The following TMPRSS15 variants were observed in gnomAD, a reference collection of about 807,000 sequenced individuals.
The protein encoded by TMPRSS15 is transmembrane serine protease 15.
Under a neutral mutation model 125.3 loss-of-function variants are expected in TMPRSS15, and 128 were observed. That is an observed-to-expected ratio of 1.02 (90% confidence interval 0.89 to 1.18). The LOEUF is 1.18. Among genes scored for constraint, TMPRSS15 ranks in the 50% most tolerant of loss-of-function variants. The probability of loss-of-function intolerance (pLI) is 0.00; values close to 1 mark genes in which losing one functional copy is unlikely to be tolerated. For synonymous variants in TMPRSS15, 446 were observed against 423.2 expected (o/e 1.05, Z -0.66); for missense variants, 1,283 against 1,212.7 (o/e 1.06, Z -0.86).
rs545845312 is a variant in TMPRSS15 at position 18,319,591 on chromosome 21, G to A, written c.1922-4335C>T. ...TTGCAGGCATGTGCCACCACGCTGG[G>A]CTAATTTTGTATTTTTAGGTGAGAC... On this transcript the variant is annotated intron_variant, in intron 16 of 24. Transcript: ENST00000284885. Among the ~76,000 whole-genome samples, 7 of 152,194 alleles carry A rather than the reference G, an allele frequency of 4.6e-5. No individual in the cohort carries two copies. The South Asian group carries it at 1.5e-3, about 32-fold the overall frequency.
At chr21:18,287,157 G>T (rs1464087895) in intron 21 of TMPRSS15, among the ~76,000 whole-genome samples, 1 of 152,168 alleles carries the variant, frequency 6.6e-6, no homozygotes, top group South Asian at 2.1e-4. Flanking sequence ...TCAGAGGAAA[G>T]ATTTTGTTGG....
intron 21 of TMPRSS15, among the ~76,000 whole-genome samples, chr21:18,286,136 C>T (rs1465455963): frequency 2.6e-5 from 4 of 152,146 alleles, no homozygotes; most frequent in African/African-American, 4.8e-5. Context: ...TTCCAGGATT[C>T]ACCATGCACT....
chr21:18,421,890 TC>T (rs2076192725), intron 1 of TMPRSS15, among the ~76,000 whole-genome samples: 1 of 152,136 alleles, frequency 6.6e-6, no homozygotes, highest in African/African-American at 2.4e-5. Context: ...TTCGGTTATG[TC>T]CACTGAAAAT....
At chr21:18,301,499 G>A (rs930381793) in intron 18 of TMPRSS15, among the ~76,000 whole-genome samples, 1 of 152,136 alleles carries the variant, frequency 6.6e-6, no homozygotes, top group Non-Finnish European at 1.5e-5. Context: ...GAATTCAGAG[G>A]AAATGTATTA....
intron 1 of TMPRSS15, among the ~76,000 whole-genome samples, chr21:18,442,480 T>A (rs913239225): frequency 3.9e-5 from 6 of 152,246 alleles, no homozygotes; most frequent in African/African-American, 1.4e-4. Flanking sequence ...TATAAAGTAG[T>A]TATTTATATT....
At chr21:18,448,483 T>C (rs2076260167) in intron 1 of TMPRSS15, among the ~76,000 whole-genome samples, 1 of 152,144 alleles carries the variant, frequency 6.6e-6, no homozygotes, top group African/African-American at 2.4e-5. Context: ...CATGGGGCTG[T>C]TATAATGACC....
chr21:18,321,395 C>T lies in TMPRSS15; in HGVS notation c.1921+5037G>A, dbSNP rs2075233874. On this transcript the variant is annotated intron_variant, in intron 16 of 24. Transcript: ENST00000284885. ...TGAGACGGAGTCTCACTCTGTCGCC[C>T]AGGCTGGAGTGCTGTGGCGCGATCT... is the stretch of plus-strand genomic sequence containing the variant. 2.8e-5 allele frequency among the ~76,000 whole-genome samples: 4 copies of T among 142,528 alleles called. No individual in the cohort carries two copies. In the South Asian group the frequency reaches 9.0e-4, roughly 32 times the overall value. The allele number at this position is 142,528 out of a possible 152,430, so 93.5% of individuals were successfully genotyped here.
chr21:18,287,336 T>C (rs988561542), intron 21 of TMPRSS15, among the ~76,000 whole-genome samples: 11 of 152,048 alleles, frequency 7.2e-5, no homozygotes, highest in Admixed American at 6.6e-4. Flanking sequence ...ACGGGCAGAG[T>C]TGCGTATCAA....
intron 16 of TMPRSS15, among the ~76,000 whole-genome samples, chr21:18,318,874 C>CT (rs2075203535): frequency 6.6e-6 from 1 of 152,078 alleles, no homozygotes; most frequent in African/African-American, 2.4e-5. Context: ...ATGTCCAGGT[C>CT]TTGGTGAAAT....
chr21:18,337,229 A>C (rs1326518481), intron 13 of TMPRSS15, among the ~76,000 whole-genome samples: 1 of 152,202 alleles, frequency 6.6e-6, no homozygotes, highest in African/African-American at 2.4e-5. Context: ...TTGGAAGTAG[A>C]AAATGGCTTT....
In TMPRSS15 at chr21:18,403,564, A is replaced by T. The variant is rs757204851; in HGVS notation, c.59T>A (p.Met20Lys). The T allele has an allele frequency of 7.4e-6, 12 of 1,614,044 alleles. No individual in the cohort carries two copies. The highest frequency in any genetic ancestry group is 1.6e-4 in the Middle Eastern group (1 of 6,084). The change falls in exon 1 of 25, where the codon ATG becomes AAG. Residue 20 changes from methionine to lysine, a missense_variant. Transcript: ENST00000284885. Reference protein sequence around the residue: ...RHHSLSSYEIMFAALFAILVV... With the variant: ...RHHSLSSYEIKFAALFAILVV... The stretch of plus-strand genomic sequence containing the variant: ...CAATATGGCAAAGAGAGCTGCAAAC[A>T]TGATTTCATAGGAGCTGAGAGAATG...
rs1383690035 is a variant in TMPRSS15, at chr21:18,269,402, G to A, written c.*567C>T. 1 of 152,276 alleles carries A rather than the reference G, an allele frequency of 6.6e-6. No individual in the cohort carries two copies. The highest frequency in any genetic ancestry group is 1.9e-4 in the East Asian group (1 of 5,200). 9.4% of individuals were successfully genotyped at this position (152,276 alleles called of 1,614,324 possible). On this transcript the variant is annotated 3_prime_UTR_variant, in exon 25 of 25. Transcript: ENST00000284885. ...GGAACGTAAAATCAATTTAGTCCAG[G>A]CCTGTGACATAAGCTTACAATAAAT...
Position 18,422,008 on chromosome 21 carries a change from A to G in TMPRSS15, c.11-23679T>C, listed in dbSNP as rs998997157. On this transcript the variant is annotated intron_variant, in intron 1 of 7. Coordinates refer to the TMPRSS15 transcript ENST00000422787. ...TCTTTTTTTTTTTTTTTTTCAGACTACGTCTGGCTCTGTCACCCAGGCTGG... is the reference window on the plus strand; with the variant it reads ...TCTTTTTTTTTTTTTTTTTCAGACTGCGTCTGGCTCTGTCACCCAGGCTGG... Among the ~76,000 whole-genome samples the G allele has an allele frequency of 2.8e-5, 4 of 143,310 alleles. No homozygotes were observed. In the Admixed American group the frequency reaches 2.8e-4, roughly 10 times the overall value. 94.0% of individuals were successfully genotyped at this position (143,310 alleles called of 152,430 possible). A position where few individuals can be genotyped will look rare whatever the true frequency, so the allele number is the denominator to read the frequency against.
At chr21:18,376,346 A>C (rs1383218272) in intron 5 of TMPRSS15, among the ~76,000 whole-genome samples, 3 of 152,160 alleles carry the variant, frequency 2.0e-5, no homozygotes, top group African/African-American at 7.2e-5. Context: ...ATATATAAAT[A>C]TTCTTTTCTC....
intron 16 of TMPRSS15, among the ~76,000 whole-genome samples, chr21:18,317,839 C>CT (rs2075186603): frequency 3.2e-5 from 1 of 31,648 alleles, no homozygotes; most frequent in Admixed American, 2.6e-4. Context: ...CATCCTATTC[C>CT]ATCCCATCCC....
intron 1 of TMPRSS15, among the ~76,000 whole-genome samples, chr21:18,438,965 C>T (rs543344838): frequency 1.3e-4 from 20 of 152,162 alleles, no homozygotes; most frequent in South Asian, 6.2e-4. Flanking sequence ...TGATTTTCTT[C>T]GAAATCTTTT....
At position 18,341,434 on chromosome 21, in the gene TMPRSS15, T is replaced by G. The variant is rs1477057446; in HGVS notation, c.1543A>C (p.Thr515Pro). 1 of 1,613,950 alleles carries G rather than the reference T, an allele frequency of 6.2e-7. No individual in the cohort carries two copies. The highest frequency in any genetic ancestry group is 1.3e-5 in the African/African-American group (1 of 74,872). ...SLYPEPTLVP[T>P]PPPELPTDCG... ...TTACTAGGAAGTTCTGGTGGAGGAGTTGGCACCAAAGTTGGTTCTGGATAA... is the reference window on the plus strand; with the variant it reads ...TTACTAGGAAGTTCTGGTGGAGGAGGTGGCACCAAAGTTGGTTCTGGATAA... The change falls in exon 13 of 25, where the codon ACT becomes CCT. Residue 515 changes from threonine to proline, a missense_variant. Transcript: ENST00000284885.
intron 16 of TMPRSS15, among the ~76,000 whole-genome samples, chr21:18,321,641 T>C (rs2075238699): frequency 6.6e-6 from 1 of 152,150 alleles, no homozygotes; most frequent in African/African-American, 2.4e-5. Flanking sequence ...GTGAGCCACG[T>C]GCCCGGCCGC....
In TMPRSS15 at chr21:18,467,015, C is replaced by A. The variant is rs554164587; in HGVS notation, c.10+18784G>T. Among the ~76,000 whole-genome samples, 683 of 152,122 alleles carry A rather than the reference C, an allele frequency of 4.5e-3. 6 individuals carry two copies. The highest frequency in any genetic ancestry group is 0.016 in the African/African-American group (661 of 41,508). ...CAAAGACTTGGAACCAACCCAAATG[C>A]CCATCAATGATAGACTGGATAAAGA... On this transcript the variant is annotated intron_variant, in intron 1 of 7. Transcript: ENST00000422787.
Sources: allele counts gnomAD v4.1 joint callset (sites outside exome capture counted in the v4.1 genomes callset), GRCh38; gene constraint gnomAD v4.1.1; transcripts MANE v1.5; gene names NCBI Gene and HGNC (gene_info 2026-07-23, HGNC 2026-07-21).